CAPG: variants seen among roughly 807,000 people sequenced by gnomAD.
CAPG encodes capping actin protein, gelsolin like.
Under a neutral mutation model 44.6 loss-of-function variants are expected in CAPG, and 32 were observed. That is an observed-to-expected ratio of 0.72 (90% CI 0.54 to 0.96). The LOEUF (loss-of-function observed/expected upper bound fraction) is 0.96, where lower values mean the gene tolerates loss of function less well. Ranked by LOEUF, CAPG falls within the 50% of genes least tolerant of loss-of-function variation. The pLI is 0.00. For missense variants in CAPG, 412 were observed against 438.3 expected, an observed-to-expected ratio of 0.94 and a Z score of 0.54; for synonymous variants, 175 against 179.6, an observed-to-expected ratio of 0.97 and a Z score of 0.20.
chr2:85,403,301 G>A (rs1686991970), intron 1 of CAPG, among the ~76,000 whole-genome samples: 1 of 152,094 alleles, frequency 6.6e-6, no homozygotes, highest in South Asian at 2.1e-4. Flanking sequence ...CATTCAAGAA[G>A]ACACAGATTA....
intron 1 of CAPG, among the ~76,000 whole-genome samples, chr2:85,407,237 T>C (rs1484547459): frequency 6.6e-6 from 1 of 152,092 alleles, no homozygotes; most frequent in African/African-American, 2.4e-5. Flanking sequence ...GGCCATATTT[T>C]TTTTCTTTAA....
intron 1 of CAPG, among the ~76,000 whole-genome samples, chr2:85,407,741 C>T (rs1359887325): frequency 7.5e-6 from 1 of 133,750 alleles, no homozygotes; most frequent in Non-Finnish European, 1.6e-5. Context: ...AAGTAATTTA[C>T]AGAAAAATAA....
upstream of CAPG, among the ~76,000 whole-genome samples, chr2:85,415,049 G>A (rs1233491593): frequency 6.6e-6 from 1 of 152,168 alleles, no homozygotes. Context: ...TGGGGCCTGG[G>A]GTAAGGAAAC....
At chr2:85,409,408 C>T (rs940953837) in intron 1 of CAPG, among the ~76,000 whole-genome samples, 5 of 152,246 alleles carry the variant, frequency 3.3e-5, no homozygotes, top group Non-Finnish European at 7.4e-5. Context: ...AGGAGGTCAC[C>T]GTTACACACA....
chr2:85,399,331 C>A (rs35776280), intron 5 of CAPG, 46 bp from the exon 6 acceptor site: 99,623 of 1,600,944 alleles, frequency 0.062, 3,443 homozygotes, highest in Non-Finnish European at 0.071. Flanking sequence ...ATGCCTGTGT[C>A]CTGCTCCCCA....
intron 1 of CAPG, among the ~76,000 whole-genome samples, chr2:85,405,982 G>A (rs986398557): frequency 6.6e-6 from 1 of 152,226 alleles, no homozygotes; most frequent in African/African-American, 2.4e-5. Flanking sequence ...CTACATGCCA[G>A]AGAGCCACAT....
chr2:85,392,114 G>A (rs1573167080), downstream of CAPG, among the ~76,000 whole-genome samples: 1 of 152,378 alleles, frequency 6.6e-6, no homozygotes, highest in East Asian at 1.9e-4. Flanking sequence ...CTCCAGACTG[G>A]GCGCAGTGGC....
Position 85,401,643 on chromosome 2 carries a change from C to G in CAPG, c.237G>C (p.Val79=). ...GCAGCGTGTTGAGGTGCACAGCCAG[C>G]ACGGCACAGGCCCCCTGCTCATCCC... ...SSRDEQGACA[V]LAVHLNTLLG... Residue 79 remains valine (V), a synonymous_variant, in exon 4 of 10, where the codon GTG becomes GTC. Transcript: ENST00000263867. The G allele has an allele frequency of 6.2e-7, 1 of 1,614,126 alleles. No individual in the cohort carries two copies. Among genetic ancestry groups the G allele is most frequent in the Non-Finnish European group, 8.5e-7 (1 of 1,179,990 alleles).
Position 85,402,158 on chromosome 2 carries a change from T to C in CAPG, c.-13A>G. On this transcript the variant is annotated splice_region_variant and 5_prime_UTR_variant, in exon 2 of 10. Transcript: ENST00000263867. ...TGGCTGTGTACATGCTGTCTTCAGA[T>C]CTGGAAAGAAAGAAGAAGCCATTAT... The C allele has an allele frequency of 6.3e-7, 1 of 1,596,982 alleles. No individual in the cohort carries two copies. Among genetic ancestry groups the C allele is most frequent in the Non-Finnish European group, 8.5e-7 (1 of 1,170,464 alleles).
At chr2:85,393,658 G>A (rs573522018), downstream of CAPG, among the ~76,000 whole-genome samples, 23 of 152,168 alleles carry the variant, frequency 1.5e-4, no homozygotes, top group African/African-American at 4.3e-4. Flanking sequence ...TCTACCTCCC[G>A]GGTTTAAGCG....
intron 1 of CAPG, among the ~76,000 whole-genome samples, chr2:85,406,070 G>C (rs1210938251): frequency 6.6e-6 from 1 of 152,098 alleles, no homozygotes; most frequent in African/African-American, 2.4e-5. Context: ...GGGAGGCCGT[G>C]GTGAGCAGTT....
At chr2:85,409,434 T>C (rs1445857752) in intron 1 of CAPG, among the ~76,000 whole-genome samples, 1 of 152,150 alleles carries the variant, frequency 6.6e-6, no homozygotes, top group Non-Finnish European at 1.5e-5. Context: ...AAGGAAAGAC[T>C]TGACAGCCAT....
chr2:85,399,338 C>T (rs1450188957), intron 5 of CAPG, 53 bp from the exon 6 acceptor site: 50 of 1,590,746 alleles, frequency 3.1e-5, no homozygotes, highest in Non-Finnish European at 4.1e-5. Context: ...TGTCCTGCTC[C>T]CCAGCTCAGA....
In CAPG at chr2:85,401,440, C is replaced by T. The variant is rs544422536; in HGVS notation, c.351+89G>A. On this transcript the variant is annotated intron_variant, in intron 4 of 9. Coordinates refer to ENST00000263867, the MANE Select transcript of CAPG (RefSeq NM_001747.4). ...GTGGGGACCCGGCTCCAAAGGCACC[C>T]GGGTCTTCTGCAGGGTGAGAACCAG... The T allele has an allele frequency of 1.3e-4, 201 of 1,581,998 alleles. No homozygotes were observed. The highest frequency in any genetic ancestry group is 4.3e-4 in the Admixed American group (25 of 58,710).
chr2:85,397,957 G>A, intron 8 of CAPG, 63 bp downstream of exon 8: 1 of 1,550,470 alleles, frequency 6.4e-7, no homozygotes, highest in Non-Finnish European at 8.8e-7. Flanking sequence ...GTCCTGCAAA[G>A]GGAAGCCTGC....
At chr2:85,399,983 T>C (rs1686804974) in intron 5 of CAPG, among the ~76,000 whole-genome samples, 1 of 152,108 alleles carries the variant, frequency 6.6e-6, no homozygotes, top group South Asian at 2.1e-4. Flanking sequence ...TCAGGTGATC[T>C]GCCCACCTCG....
chr2:85,392,339 G>A (rs1189760717), downstream of CAPG, among the ~76,000 whole-genome samples: 2 of 150,332 alleles, frequency 1.3e-5, no homozygotes, highest in South Asian at 2.1e-4. Flanking sequence ...GCAGTGAGTC[G>A]AGACTGTGCC....
At chr2:85,400,932 G>A (rs899593310) in intron 5 of CAPG, among the ~76,000 whole-genome samples, 1 of 152,208 alleles carries the variant, frequency 6.6e-6, no homozygotes, top group African/African-American at 2.4e-5. Flanking sequence ...GAACTCAGAG[G>A]CTTCCAAGAG....
chr2:85,409,867 C>G (rs1189496437), intron 1 of CAPG: 1 of 152,288 alleles, frequency 6.6e-6, no homozygotes, highest in East Asian at 1.9e-4. Flanking sequence ...GACTGCCCTG[C>G]CCCCTCCCCA....
Sources: gnomAD v4.1 joint callset for allele counts (sites outside exome capture counted in the v4.1 genomes callset) on GRCh38, gnomAD v4.1.1 for gene constraint, MANE v1.5 for transcripts, NCBI Gene and HGNC (gene_info 2026-07-23, HGNC 2026-07-21) for gene names.